PARD6B: variants seen among roughly 807,000 people sequenced by gnomAD.
PARD6B encodes the protein par-6 family cell polarity regulator beta.
Under a neutral mutation model 10.5 loss-of-function variants are expected in PARD6B, and 4 were observed. The observed-to-expected ratio is 0.38, with a 90% CI of 0.19 to 0.87. PARD6B has a LOEUF of 0.87. Ranked by LOEUF, PARD6B falls within the 40% of genes least tolerant of loss-of-function variation. The pLI is 0.41. For missense variants in PARD6B, 396 were observed against 470.6 expected, an observed-to-expected ratio of 0.84 and a Z score of 1.47; for synonymous variants, 169 against 170.4, an observed-to-expected ratio of 0.99 and a Z score of 0.07.
In PARD6B at chr20:50,750,383, T is replaced by C. The variant is rs1218702770; in HGVS notation, c.1014T>C (p.Asn338=). Residue 338 remains asparagine (N), a synonymous_variant, in exon 3 of 3, where the codon AAT becomes AAC. Transcript: ENST00000371610. ...ESGQNGFIPS[N]EVSLAAIASS... ...GACAGAATGGCTTTATTCCCTCTAA[T>C]GAAGTGAGCTTAGCAGCCATAGCAA... 8.1e-6 allele frequency: 13 copies of C among 1,614,050 alleles called. No homozygotes were observed. The highest frequency in any genetic ancestry group is 1.1e-5 in the South Asian group (1 of 91,086).
chr20:50,737,276 AATTGGATAGTTATAGGAC>A (rs1194791397), intron 1 of PARD6B, among the ~76,000 whole-genome samples: 1 of 152,192 alleles, frequency 6.6e-6, no homozygotes, highest in Non-Finnish European at 1.5e-5. Flanking sequence ...TTTGTGCGTT[AATTGGATAGTTATAGGAC>A]ATACATTTGA....
intron 2 of PARD6B, among the ~76,000 whole-genome samples, chr20:50,747,559 GT>G (rs1250491544): frequency 1.3e-4 from 11 of 87,944 alleles, no homozygotes; most frequent in African/African-American, 1.3e-4. Context: ...AAGTTGTTGT[GT>G]TTTTTTTTTA....
At chr20:50,734,030 CTG>C (rs1289399698) in intron 1 of PARD6B, among the ~76,000 whole-genome samples, 3 of 152,182 alleles carry the variant, frequency 2.0e-5, no homozygotes, top group African/African-American at 7.2e-5. Flanking sequence ...TTTCAGCTAA[CTG>C]TGTCTTTTAA....
intron 1 of PARD6B, among the ~76,000 whole-genome samples, chr20:50,733,456 C>T (rs75320715): frequency 0.062 from 9,365 of 152,164 alleles, 341 homozygotes; most frequent in Non-Finnish European, 0.07. Context: ...ACAAAAACGG[C>T]TTGGCACTTA....
chr20:50,752,627 A>G lies in PARD6B; in HGVS notation c.*2139A>G. On this transcript the variant is annotated 3_prime_UTR_variant, in exon 3 of 3. Coordinates refer to ENST00000371610, the MANE Select transcript of PARD6B (RefSeq NM_032521.3). ...CCCTATGGCTTATGGAGAGTTATTT[A>G]TTAATTAACTTTATGGTAGGGCTAG... 3.1e-6 allele frequency: 3 copies of G among 980,472 alleles called. No homozygotes were observed. The highest frequency in any genetic ancestry group is 3.6e-6 in the Non-Finnish European group (3 of 825,022). 60.7% of individuals were successfully genotyped at this position (980,472 alleles called of 1,614,324 possible).
At chr20:50,735,689 T>C (rs1314698060) in intron 1 of PARD6B, among the ~76,000 whole-genome samples, 1 of 152,246 alleles carries the variant, frequency 6.6e-6, no homozygotes, top group African/African-American at 2.4e-5. Flanking sequence ...CATGCCAATA[T>C]TGGCAAAAGT....
At chr20:50,734,590 G>T (rs2087489823) in intron 1 of PARD6B, among the ~76,000 whole-genome samples, 1 of 151,938 alleles carries the variant, frequency 6.6e-6, no homozygotes, top group Admixed American at 6.6e-5. Context: ...GAACACCTGA[G>T]CTCTAGTGAT....
At chr20:50,731,891 G>GGGGCCGGGGCCTGGGAGAGGCC in intron 1 of PARD6B, 39 bp downstream of exon 1, 1 of 1,378,190 alleles carries the variant, frequency 7.3e-7, no homozygotes, top group Non-Finnish European at 9.3e-7. Context: ...GCGGGCCTGG[G>GGGGCCGGGGCCTGGGAGAGGCC]GGGCCGGGGC....
Position 50,750,954 on chromosome 20 carries a change from ATTTTTT to A in PARD6B, c.*493_*498del, listed in dbSNP as rs565068464. ...CTCATGTTCCCAATATTTTATTTTG[ATTTTTT>A]TTTTTTTTTTTTTTTTTTTTTTTTT... On this transcript the variant is annotated 3_prime_UTR_variant, in exon 3 of 3. Coordinates refer to ENST00000371610, the MANE Select transcript of PARD6B (RefSeq NM_032521.3). 2.2e-3 allele frequency: 854 copies of A among 387,658 alleles called. 6 individuals are homozygous for A. In the East Asian group the frequency reaches 0.055, roughly 25 times the overall value. 24.0% of individuals were successfully genotyped at this position (387,658 alleles called of 1,614,324 possible).
At chr20:50,732,395 C>G (rs1470500323) in intron 1 of PARD6B, among the ~76,000 whole-genome samples, 1 of 152,104 alleles carries the variant, frequency 6.6e-6, no homozygotes, top group Non-Finnish European at 1.5e-5. Context: ...TTAGTACTAT[C>G]ACCTTACGTT....
At chr20:50,735,311 A>G (rs2087494139) in intron 1 of PARD6B, among the ~76,000 whole-genome samples, 1 of 152,198 alleles carries the variant, frequency 6.6e-6, no homozygotes, top group South Asian at 2.1e-4. Context: ...TAACTGTTTT[A>G]TCTTCCTAAT....
Position 50,752,347 on chromosome 20 carries a change from T to A in PARD6B, c.*1859T>A, listed in dbSNP as rs1233929220. On this transcript the variant is annotated 3_prime_UTR_variant, in exon 3 of 3. Coordinates refer to ENST00000371610, the MANE Select transcript of PARD6B (RefSeq NM_032521.3). ...TTTTTATGCCAAAAAAAAAAAAAATTGGGTTTTCCTTCATGGGATTTCTAG... is the reference window on the plus strand; with the variant it reads ...TTTTTATGCCAAAAAAAAAAAAAATAGGGTTTTCCTTCATGGGATTTCTAG... 1 of 983,398 alleles carries A rather than the reference T, an allele frequency of 1.0e-6. No individual in the cohort carries two copies. Among genetic ancestry groups the A allele is most frequent in the Non-Finnish European group, 1.2e-6 (1 of 828,802 alleles). 60.9% of individuals were successfully genotyped at this position (983,398 alleles called of 1,614,324 possible). A position where few individuals can be genotyped will look rare whatever the true frequency, so the allele number is the denominator to read the frequency against.
intron 2 of PARD6B, among the ~76,000 whole-genome samples, chr20:50,741,391 C>G (rs2087529515): frequency 2.0e-5 from 3 of 152,052 alleles, no homozygotes; most frequent in Admixed American, 2.0e-4. Context: ...TTCTGACTAC[C>G]CTAACTAAAG....
intron 1 of PARD6B, among the ~76,000 whole-genome samples, chr20:50,732,931 A>G (rs2087479996): frequency 6.6e-6 from 1 of 152,154 alleles, no homozygotes; most frequent in Non-Finnish European, 1.5e-5. Flanking sequence ...ATGGAGCATC[A>G]TAGATGGTAA....
chr20:50,737,273 G>A (rs553999381), intron 1 of PARD6B, among the ~76,000 whole-genome samples: 7 of 152,234 alleles, frequency 4.6e-5, no homozygotes, highest in African/African-American at 9.6e-5. Context: ...CACTTTGTGC[G>A]TTAATTGGAT....
In PARD6B at chr20:50,752,684, T is replaced by TA; in HGVS notation, c.*2197dup. The TA allele has an allele frequency of 1.0e-6, 1 of 977,818 alleles. No homozygotes were observed. The highest frequency in any genetic ancestry group is 1.2e-6 in the Non-Finnish European group (1 of 822,578). 60.6% of individuals were successfully genotyped at this position (977,818 alleles called of 1,614,324 possible). A position where few individuals can be genotyped will look rare whatever the true frequency, so the allele number is the denominator to read the frequency against. ...TACCTTTTTAACAATTGTGTGCTAT[T>TA]ACAACAATGAAGATTCAAATGACTC... On this transcript the variant is annotated 3_prime_UTR_variant, in exon 3 of 3. Coordinates refer to ENST00000371610, the MANE Select transcript of PARD6B (RefSeq NM_032521.3).
intron 2 of PARD6B, among the ~76,000 whole-genome samples, chr20:50,741,289 A>G (rs1307070713): frequency 6.6e-6 from 1 of 151,416 alleles, no homozygotes; most frequent in Non-Finnish European, 1.5e-5. Context: ...CTGTGCTCTT[A>G]TGCTTGGTTA....
At chr20:50,736,695 G>GTT (rs869114685) in intron 1 of PARD6B, among the ~76,000 whole-genome samples, 62 of 139,566 alleles carry the variant, frequency 4.4e-4, no homozygotes, top group Admixed American at 9.3e-4. Flanking sequence ...TAGTGTTTTG[G>GTT]TTTTTTTTTT....
chr20:50,753,071 CT>C lies in PARD6B; in HGVS notation c.*2584del. The C allele has an allele frequency of 3.3e-6, 3 of 908,522 alleles. No homozygotes were observed. The highest frequency in any genetic ancestry group is 2.5e-6 in the Non-Finnish European group (2 of 795,912). The allele number at this position is 908,522 out of a possible 1,614,324, so 56.3% of individuals were successfully genotyped here. A position where few individuals can be genotyped will look rare whatever the true frequency, so the allele number is the denominator to read the frequency against. On this transcript the variant is annotated 3_prime_UTR_variant, in exon 3 of 3. Coordinates refer to ENST00000371610, the MANE Select transcript of PARD6B (RefSeq NM_032521.3). ...GTAAAAATATTTTTACACACTACCTCTCTCTTTTTTTTTTTAAAGTTTTAAC... is the reference window on the plus strand; with the variant it reads ...GTAAAAATATTTTTACACACTACCTCCTCTTTTTTTTTTTAAAGTTTTAAC...
Sources: allele counts gnomAD v4.1 joint callset (sites outside exome capture counted in the v4.1 genomes callset), GRCh38; gene constraint gnomAD v4.1.1; transcripts MANE v1.5; gene names NCBI Gene and HGNC (gene_info 2026-07-23, HGNC 2026-07-21).